The following SUGCT variants were observed in gnomAD, a reference collection of about 807,000 sequenced individuals.
The protein encoded by SUGCT is succinyl-CoA:glutarate CoA-transferase.
Under a neutral mutation model 55.0 loss-of-function variants are expected in SUGCT, and 41 were observed. The observed-to-expected ratio is 0.74, with a 90% CI of 0.58 to 0.97. SUGCT has a LOEUF of 0.97. Ranked by LOEUF, SUGCT falls within the 50% of genes least tolerant of loss-of-function variation. The pLI, the probability that SUGCT is intolerant of heterozygous loss-of-function variation, is 0.00. For synonymous variants in SUGCT, 187 were observed against 200.4 expected, an observed-to-expected ratio of 0.93 and a Z score of 0.56; for missense variants, 568 against 547.8, an observed-to-expected ratio of 1.04 and a Z score of -0.37.
chr7:40,245,660 G>A (rs192922405), intron 7 of SUGCT, among the ~76,000 whole-genome samples: 136 of 148,596 alleles, frequency 9.2e-4, no homozygotes, highest in Admixed American at 2.2e-3. Flanking sequence ...AGATGGTCTC[G>A]ATCTCCTGAC....
chr7:40,434,074 C>G (rs1389423594), intron 9 of SUGCT, among the ~76,000 whole-genome samples: 3 of 152,150 alleles, frequency 2.0e-5, no homozygotes, highest in Non-Finnish European at 4.4e-5. Flanking sequence ...ACTAGGATGA[C>G]TTACTAAATT....
chr7:40,649,803 G>A (rs887419806), intron 12 of SUGCT, among the ~76,000 whole-genome samples: 5 of 152,080 alleles, frequency 3.3e-5, no homozygotes, highest in Non-Finnish European at 7.4e-5. Flanking sequence ...GCCAAGAGAC[G>A]GAGAGATCAA....
intron 1 of SUGCT, among the ~76,000 whole-genome samples, chr7:40,139,127 A>AAAATAAATAAAT (rs56301316): frequency 2.1e-5 from 3 of 140,566 alleles, no homozygotes; most frequent in Middle Eastern, 3.5e-3. Context: ...CTCTGGCTCA[A>AAAATAAATAAAT]AAATAAATAA....
chr7:40,475,675 A>G (rs1790625575), intron 11 of SUGCT, among the ~76,000 whole-genome samples: 1 of 152,200 alleles, frequency 6.6e-6, no homozygotes, highest in African/African-American at 2.4e-5. Context: ...TTTTCCAAGA[A>G]TTAACATCAA....
intron 13 of SUGCT, among the ~76,000 whole-genome samples, chr7:40,814,315 T>G (rs1159290056): frequency 1.3e-5 from 2 of 152,168 alleles, no homozygotes; most frequent in Admixed American, 6.5e-5. Flanking sequence ...TTACTCTTTC[T>G]CCTTCTGTCT....
At chr7:40,975,048 T>A in the SUGCT span, among the ~76,000 whole-genome samples, 1 of 152,168 alleles carries the variant, frequency 6.6e-6, no homozygotes. Flanking sequence ...GCTAAGTGAG[T>A]GAACAAATGT....
At chr7:40,499,062 G>A (rs377364046) in intron 12 of SUGCT, 5 of 456,474 alleles carry the variant, frequency 1.1e-5, no homozygotes, top group Admixed American at 7.1e-5. Flanking sequence ...GTTTCTTGGC[G>A]CTTGGTGCAT....
At chr7:40,267,567 C>T (rs1791679291) in intron 7 of SUGCT, among the ~76,000 whole-genome samples, 1 of 152,076 alleles carries the variant, frequency 6.6e-6, no homozygotes, top group Non-Finnish European at 1.5e-5. Context: ...AGAGACAATA[C>T]CACCCCATTC....
intron 13 of SUGCT, among the ~76,000 whole-genome samples, chr7:40,797,014 T>G (rs1278550311): frequency 1.3e-5 from 2 of 152,066 alleles, no homozygotes; most frequent in Non-Finnish European, 2.9e-5. Context: ...ATGAACAAAG[T>G]ATAAAGTGGG....
At chr7:40,564,905 A>G (rs1305716116) in intron 12 of SUGCT, among the ~76,000 whole-genome samples, 3 of 152,222 alleles carry the variant, frequency 2.0e-5, no homozygotes, top group African/African-American at 4.8e-5. Flanking sequence ...AAAATGCCCA[A>G]TATGATCCTG....
intron 6 of SUGCT, among the ~76,000 whole-genome samples, chr7:40,217,916 A>T (rs1050740895): frequency 2.6e-5 from 4 of 152,078 alleles, no homozygotes; most frequent in African/African-American, 4.8e-5. Context: ...TAATTTACAC[A>T]ATTTAAAATA....
chr7:40,822,281 C>A (rs971182247), intron 13 of SUGCT, among the ~76,000 whole-genome samples: 1 of 151,996 alleles, frequency 6.6e-6, no homozygotes, highest in Non-Finnish European at 1.5e-5. Flanking sequence ...CTATTAGGTC[C>A]GCTTGGTGCA....
At chr7:40,814,178 A>T (rs1000792869) in intron 13 of SUGCT, among the ~76,000 whole-genome samples, 1 of 152,032 alleles carries the variant, frequency 6.6e-6, no homozygotes, top group Non-Finnish European at 1.5e-5. Context: ...GTATGCCTTG[A>T]TGACAGTCAT....
At chr7:40,911,957 A>G in the SUGCT span, among the ~76,000 whole-genome samples, 3 of 152,128 alleles carry the variant, frequency 2.0e-5, no homozygotes, top group African/African-American at 7.2e-5. Context: ...AGATTGGTGG[A>G]AATGTTGAAA....
At chr7:40,424,242 G>C (rs1787466839) in intron 9 of SUGCT, among the ~76,000 whole-genome samples, 2 of 152,126 alleles carry the variant, frequency 1.3e-5, no homozygotes, top group South Asian at 4.1e-4. Context: ...CATAAAGAAA[G>C]GGAGCAAGGT....
chr7:40,191,363 T>C (rs1785898833), intron 5 of SUGCT, among the ~76,000 whole-genome samples: 1 of 152,204 alleles, frequency 6.6e-6, no homozygotes, highest in African/African-American at 2.4e-5. Flanking sequence ...TCAATTGCTC[T>C]GCTGCTGCTT....
chr7:40,430,031 T>C (rs554188587), intron 9 of SUGCT, among the ~76,000 whole-genome samples: 78 of 152,308 alleles, frequency 5.1e-4, no homozygotes, highest in Admixed American at 1.6e-3. Context: ...AGCTGAACAA[T>C]ATAATATTTT....
intron 9 of SUGCT, among the ~76,000 whole-genome samples, chr7:40,389,190 CTG>C (rs1339967797): frequency 6.6e-6 from 1 of 152,150 alleles, no homozygotes; most frequent in East Asian, 1.9e-4. Context: ...TGGCTTATGA[CTG>C]TAATCCTAGC....
intron 12 of SUGCT, among the ~76,000 whole-genome samples, chr7:40,700,691 G>A (rs1013944967): frequency 5.3e-5 from 8 of 152,140 alleles, no homozygotes; most frequent in Admixed American, 3.3e-4. Flanking sequence ...GTTCAAACCT[G>A]TTCTTTTCCT....
Sources: gnomAD v4.1 joint callset for allele counts (sites outside exome capture counted in the v4.1 genomes callset) on GRCh38, gnomAD v4.1.1 for gene constraint, MANE v1.5 for transcripts, NCBI Gene and HGNC (gene_info 2026-07-23, HGNC 2026-07-21) for gene names.